The following PARP16 variants were observed in gnomAD, a reference collection of about 807,000 sequenced individuals.
PARP16 encodes poly(ADP-ribose) polymerase family member 16.
Under a neutral mutation model 35.0 loss-of-function variants are expected in PARP16, and 31 were observed. The ratio of observed to expected loss-of-function variants is 0.88; its 90% CI spans 0.66 to 1.19. The LOEUF (loss-of-function observed/expected upper bound fraction) is 1.19, where lower values mean the gene tolerates loss of function less well. Ranked by LOEUF, PARP16 falls within the 50% of genes most tolerant of loss-of-function variation. PARP16 has a pLI of 0.00. For synonymous variants in PARP16, 162 were observed against 169.5 expected (o/e 0.96, Z 0.34); for missense variants, 424 against 411.2 (o/e 1.03, Z -0.27).
chr15:65,235,664 C>T (rs1303166260), intron 3 of PARP16, among the ~76,000 whole-genome samples: 1 of 148,584 alleles, frequency 6.7e-6, no homozygotes, highest in Non-Finnish European at 1.5e-5. Context: ...AAAAAATTAG[C>T]CGGGCATGGT....
At chr15:65,246,087 C>T (rs2089202366) in intron 3 of PARP16, among the ~76,000 whole-genome samples, 1 of 152,092 alleles carries the variant, frequency 6.6e-6, no homozygotes, top group African/African-American at 2.4e-5. Flanking sequence ...GCCAGCATGA[C>T]CTCCAGGCAG....
At chr15:65,283,827 T>A (rs146196404) in intron 1 of PARP16, among the ~76,000 whole-genome samples, 2 of 152,350 alleles carry the variant, frequency 1.3e-5, no homozygotes, top group East Asian at 1.9e-4. Context: ...CAAAACTGAA[T>A]GAAGTTTCGT....
In PARP16 at chr15:65,266,792, A is replaced by C. The variant is rs771210719; in HGVS notation, c.313-24T>G. 11 of 1,573,322 alleles carry C rather than the reference A, an allele frequency of 7.0e-6. No individual in the cohort carries two copies. The South Asian group carries it at 1.2e-4, about 18-fold the overall frequency. The stretch of plus-strand genomic sequence containing the variant: ...AACTTGAAAACATGAAGAGCATCAA[A>C]ATTTTATTTGGGGAGCTGGTAAATG... On this transcript the variant is annotated intron_variant, in intron 2 of 5. Coordinates refer to ENST00000649807, the MANE Select transcript of PARP16 (RefSeq NM_001316943.2).
chr15:65,266,725 A>T lies in PARP16; in HGVS notation c.356T>A (p.Val119Asp). ...QKLTGAPHTP[V>D]PAPDFLFEIE... The stretch of plus-strand genomic sequence containing the variant: ...TTCAAACAGGAAGTCCGGTGCAGGA[A>T]CAGGCGTGTGAGGAGCCCCAGTCAG... The change falls in exon 3 of 6, where the codon GTT becomes GAT. Residue 119 changes from valine (V) to aspartate (D), a missense_variant. Transcript: ENST00000649807. 6.2e-7 allele frequency: 1 copy of T among 1,614,170 alleles called. No homozygotes were observed. Among genetic ancestry groups the T allele is most frequent in the Non-Finnish European group, 8.5e-7 (1 of 1,180,018 alleles).
At chr15:65,244,004 C>G (rs1328981265) in intron 3 of PARP16, among the ~76,000 whole-genome samples, 1 of 152,104 alleles carries the variant, frequency 6.6e-6, no homozygotes, top group African/African-American at 2.4e-5. Context: ...TCACCATGTT[C>G]CAGTAATATG....
chr15:65,233,435 C>CA (rs929500824), downstream of PARP16, among the ~76,000 whole-genome samples: 26 of 151,274 alleles, frequency 1.7e-4, no homozygotes, highest in Non-Finnish European at 1.6e-4. Context: ...CAAACAAAAA[C>CA]AAAAAATAAC....
intron 1 of PARP16, among the ~76,000 whole-genome samples, chr15:65,279,905 C>T (rs1254273917): frequency 1.3e-5 from 2 of 150,958 alleles, no homozygotes; most frequent in African/African-American, 2.4e-5. Context: ...TCCTTAGTTT[C>T]CCACGTGATT....
At chr15:65,267,132 T>C (rs911170492) in intron 2 of PARP16, among the ~76,000 whole-genome samples, 4 of 151,724 alleles carry the variant, frequency 2.6e-5, no homozygotes, top group Non-Finnish European at 5.9e-5. Flanking sequence ...TCCCAGCTAC[T>C]TAGGAGGCTG....
intron 3 of PARP16, among the ~76,000 whole-genome samples, chr15:65,240,303 T>G: frequency 1.3e-5 from 1 of 75,224 alleles, no homozygotes. Context: ...CTAGTGTGTG[T>G]GTGTGTGGTG....
Position 65,266,599 on chromosome 15 carries a change from G to A in PARP16, c.482C>T (p.Ser161Phe). 1 of 1,614,152 alleles carries A rather than the reference G, an allele frequency of 6.2e-7. No homozygotes were observed. The highest frequency in any genetic ancestry group is 8.5e-7 in the Non-Finnish European group (1 of 1,180,016). Reference protein sequence around the residue: ...FHGSRLENFHSIIHNGLHCHL... With the variant: ...FHGSRLENFHFIIHNGLHCHL... Reference sequence around the variant, plus strand: ...GCAGTGCAGGCCATTGTGGATAATGGAATGGAAGTTTTCTAGGCGGCTACC... The same window carrying A: ...GCAGTGCAGGCCATTGTGGATAATGAAATGGAAGTTTTCTAGGCGGCTACC... The change falls in exon 3 of 6, where the codon TCC (serine) becomes TTC (phenylalanine). Residue 161 changes from serine to phenylalanine, a missense_variant. Physicochemically the swap from Ser to Phe is radical, Grantham distance 155 (BLOSUM62 -2). Transcript: ENST00000649807.
intron 1 of PARP16, among the ~76,000 whole-genome samples, chr15:65,273,380 A>G (rs1038347424): frequency 2.0e-5 from 3 of 151,808 alleles, no homozygotes; most frequent in African/African-American, 7.3e-5. Context: ...GTTGAAAATT[A>G]GAAACAGAGC....
chr15:65,277,808 A>C (rs758434810), intron 1 of PARP16, among the ~76,000 whole-genome samples: 4 of 152,246 alleles, frequency 2.6e-5, no homozygotes, highest in Non-Finnish European at 5.9e-5. Flanking sequence ...TGATATTGGA[A>C]TTCCCCCCAA....
chr15:65,256,201 C>T (rs1275963132), downstream of PARP16, among the ~76,000 whole-genome samples: 1 of 152,044 alleles, frequency 6.6e-6, no homozygotes, highest in Non-Finnish European at 1.5e-5. Flanking sequence ...CTCTGTTGGG[C>T]CCTTAAAAAC....
At chr15:65,263,423 G>A (rs1035212878) in intron 3 of PARP16, 103 bp from the exon 4 acceptor site, 4 of 907,504 alleles carry the variant, frequency 4.4e-6, no homozygotes, top group Non-Finnish European at 6.6e-6. Flanking sequence ...AACACAAAAT[G>A]TACAACCCCC....
At chr15:65,244,220 C>G (rs936154056) in intron 3 of PARP16, among the ~76,000 whole-genome samples, 3 of 152,180 alleles carry the variant, frequency 2.0e-5, no homozygotes, top group African/African-American at 7.2e-5. Flanking sequence ...CTATCTCCCA[C>G]ATAATCTCAT....
chr15:65,239,962 T>TTTC (rs1470135545), intron 3 of PARP16, among the ~76,000 whole-genome samples: 1 of 133,794 alleles, frequency 7.5e-6, no homozygotes, highest in Admixed American at 7.3e-5. Flanking sequence ...GACCTTTTTT[T>TTTC]TTTTTTTTTT....
chr15:65,277,836 T>G (rs916075150), intron 1 of PARP16, among the ~76,000 whole-genome samples: 2 of 152,214 alleles, frequency 1.3e-5, no homozygotes, highest in African/African-American at 4.8e-5. Context: ...ATAATACAAC[T>G]GAGACAGCTA....
chr15:65,269,178 T>TCTCTCTCTCTCTCGC (rs59836167), intron 2 of PARP16, among the ~76,000 whole-genome samples: 1 of 145,420 alleles, frequency 6.9e-6, no homozygotes, highest in African/African-American at 2.6e-5. Context: ...GTCGGTTTTT[T>TCTCTCTCTCTCTCGC]TCTTTCTTTC....
intron 1 of PARP16, among the ~76,000 whole-genome samples, chr15:65,283,273 T>A (rs1391788294): frequency 6.7e-6 from 1 of 148,852 alleles, no homozygotes; most frequent in Non-Finnish European, 1.5e-5. Context: ...CCCATCTCAA[T>A]TTTTTTTTTT....
Sources: gnomAD v4.1 joint callset for allele counts (sites outside exome capture counted in the v4.1 genomes callset) on GRCh38, gnomAD v4.1.1 for gene constraint, MANE v1.5 for transcripts, NCBI Gene and HGNC (gene_info 2026-07-23, HGNC 2026-07-21) for gene names.